Variants in PUM1 observed in about 807,000 individuals in gnomAD.
PUM1 encodes pumilio homolog 1.
Under a neutral mutation model 131.8 loss-of-function variants are expected in PUM1, and 13 were observed. That is an observed-to-expected ratio of 0.10 (90% CI 0.06 to 0.16). The LOEUF (loss-of-function observed/expected upper bound fraction) is 0.16, where lower values mean the gene tolerates loss of function less well. PUM1 is among the 10% of genes least tolerant of loss of function. PUM1 has a pLI of 1.00. For synonymous variants in PUM1, 509 were observed against 556.5 expected, an observed-to-expected ratio of 0.91 and a Z score of 1.20; for missense variants, 961 against 1,512.4, an observed-to-expected ratio of 0.64 and a Z score of 6.05.
At chr1:31,062,619 CA>C (rs9331237) in intron 1 of PUM1, among the ~76,000 whole-genome samples, 35,861 of 116,910 alleles carry the variant, frequency 0.31, 5,850 homozygotes, top group East Asian at 0.6. Flanking sequence ...GACTCCATCT[CA>C]AAAAAAAAAA....
At position 31,041,596 on chromosome 1, in the gene PUM1, T is replaced by C. The variant is rs188199187; in HGVS notation, c.364-12732A>G. Among the ~76,000 whole-genome samples the C allele has an allele frequency of 6.2e-4, 94 of 152,062 alleles. 1 individual carries two copies. Among genetic ancestry groups the C allele is most frequent in the African/African-American group, 2.1e-3 (89 of 41,464 alleles). On this transcript the variant is annotated intron_variant, in intron 2 of 21. Transcript: ENST00000426105. The stretch of plus-strand genomic sequence containing the variant: ...TATCCTCCCCATGGTAATGAGTGAG[T>C]TCTCACTCTATTAATTCACACAAGA...
rs796926360 is a variant in PUM1 at position 31,004,101 on chromosome 1, G to T, written c.720+1752C>A. ...CTGAAGTCTTAACCTCCTCTGTCAC[G>T]ATTCTTTTGTAAAAGAGGTAAATCA... On this transcript the variant is annotated intron_variant, in intron 5 of 21. Transcript: ENST00000426105. Among the ~76,000 whole-genome samples, 4 of 152,106 alleles carry T rather than the reference G, an allele frequency of 2.6e-5. No homozygotes were observed. The South Asian group carries it at 8.3e-4, about 31-fold the overall frequency.
At chr1:31,005,777 C>T (rs986730539) in intron 5 of PUM1, 76 bp downstream of exon 5, 10 of 1,399,758 alleles carry the variant, frequency 7.1e-6, no homozygotes, top group African/African-American at 1.6e-5. Flanking sequence ...GCATGTTTTG[C>T]TTTAGGGGAA....
Position 30,945,795 on chromosome 1 carries a change from A to AT in PUM1, c.2857-313dup, listed in dbSNP as rs1012531899. Among the ~76,000 whole-genome samples the AT allele has an allele frequency of 1.2e-4, 19 of 152,066 alleles. No individual in the cohort carries two copies. The South Asian group carries it at 2.5e-3, about 20-fold the overall frequency. ...AAGAGTGCTTTTGTGTTTTTATTTT[A>AT]TTTTTTTTGAGACGGAGTCTTGCTC... is the stretch of plus-strand genomic sequence containing the variant. On this transcript the variant is annotated intron_variant, in intron 17 of 21. Transcript: ENST00000426105.
chr1:31,014,790 G>GAA (rs758812891), intron 3 of PUM1, among the ~76,000 whole-genome samples: 7 of 132,624 alleles, frequency 5.3e-5, no homozygotes, highest in African/African-American at 8.2e-5. Flanking sequence ...CTGTGTCTCA[G>GAA]AAAAAAAAAA....
At chr1:30,982,872 T>C (rs1401839069) in intron 7 of PUM1, among the ~76,000 whole-genome samples, 1 of 152,244 alleles carries the variant, frequency 6.6e-6, no homozygotes. Context: ...TCTCTGCTTT[T>C]GGAGTATGAA....
Position 30,953,833 on chromosome 1 carries a change from G to C in PUM1, c.2472C>G (p.Val824=). The C allele has an allele frequency of 6.2e-7, 1 of 1,614,256 alleles. No individual in the cohort carries two copies. Among genetic ancestry groups the C allele is most frequent in the Non-Finnish European group, 8.5e-7 (1 of 1,180,040 alleles). The part of the protein sequence containing the change: ...SSRLRYGMSD[V]MPSGRSRLLE... ...AAAGCCTGCTCCTGCCAGAAGGCAT[G>C]ACATCAGACATTCCATATCGCAAAC... The change falls in exon 15 of 22, where the codon GTC becomes GTG. Residue 824 remains valine (V), a synonymous_variant. Transcript: ENST00000426105.
At chr1:30,963,063 A>T (rs1011942110) in intron 14 of PUM1, among the ~76,000 whole-genome samples, 2 of 152,218 alleles carry the variant, frequency 1.3e-5, no homozygotes, top group Admixed American at 1.3e-4. Flanking sequence ...AAAAGGCTTG[A>T]TTCTAAATCT....
chr1:30,965,399 T>C (rs1640579237), intron 13 of PUM1, among the ~76,000 whole-genome samples: 1 of 152,214 alleles, frequency 6.6e-6, no homozygotes, highest in African/African-American at 2.4e-5. Context: ...CTTTCACACA[T>C]GCCCTTCTAT....
At chr1:30,980,291 C>A (rs920679807) in intron 8 of PUM1, 128 bp from the exon 9 acceptor site, 7 of 746,712 alleles carry the variant, frequency 9.4e-6, no homozygotes, top group Non-Finnish European at 1.6e-5. Flanking sequence ...GAAGACGGGA[C>A]AGGTTGAGGG....
intron 2 of PUM1, among the ~76,000 whole-genome samples, chr1:31,049,169 C>A (rs1417902702): frequency 6.6e-6 from 1 of 151,638 alleles, no homozygotes. Context: ...TGTGCCACTG[C>A]ACTCCAGTCT....
intron 17 of PUM1, among the ~76,000 whole-genome samples, chr1:30,947,782 A>G (rs940705886): frequency 2.6e-5 from 4 of 152,142 alleles, no homozygotes; most frequent in African/African-American, 9.6e-5. Context: ...CTAAGATATC[A>G]TCTAATTAAA....
intron 17 of PUM1, 65 bp from the exon 18 acceptor site, chr1:30,945,548 T>A: frequency 6.4e-7 from 1 of 1,562,700 alleles, no homozygotes; most frequent in Non-Finnish European, 8.8e-7. Context: ...AATAATATTC[T>A]TTTCACCAAA....
intron 19 of PUM1, 128 bp downstream of exon 19, chr1:30,941,870 A>G: frequency 9.4e-7 from 1 of 1,062,134 alleles, no homozygotes; most frequent in Non-Finnish European, 1.4e-6. Context: ...ATACAAATAC[A>G]ACCACAAGAT....
intron 5 of PUM1, among the ~76,000 whole-genome samples, chr1:30,998,957 T>TAA (rs1309354147): frequency 6.6e-6 from 1 of 152,114 alleles, no homozygotes; most frequent in Non-Finnish European, 1.5e-5. Context: ...TTCTGAAAAA[T>TAA]ATTTAAGATA....
chr1:30,945,600 T>C lies in PUM1; in HGVS notation c.2857-117A>G, dbSNP rs1639634902. ...AACAGAGAATCTGTGATGATGAAAGTGGAATAGCAGCTGTGGAACAATGAC... is the reference window on the plus strand; with the variant it reads ...AACAGAGAATCTGTGATGATGAAAGCGGAATAGCAGCTGTGGAACAATGAC... On this transcript the variant is annotated intron_variant, in intron 17 of 21. Coordinates refer to ENST00000426105, the MANE Select transcript of PUM1 (RefSeq NM_001020658.2). 22 of 1,088,812 alleles carry C rather than the reference T, an allele frequency of 2.0e-5. No homozygotes were observed. In the South Asian group the frequency reaches 3.3e-4, roughly 16 times the overall value. 67.4% of individuals were successfully genotyped at this position (1,088,812 alleles called of 1,614,324 possible). A position where few individuals can be genotyped will look rare whatever the true frequency, so the allele number is the denominator to read the frequency against.
At chr1:31,038,421 A>G (rs747420358) in intron 2 of PUM1, among the ~76,000 whole-genome samples, 31 of 152,200 alleles carry the variant, frequency 2.0e-4, no homozygotes, top group Non-Finnish European at 3.8e-4. Flanking sequence ...CATGGTAGAC[A>G]CTACTTTCTA....
chr1:30,988,238 C>A (rs976734208), intron 7 of PUM1, among the ~76,000 whole-genome samples: 2 of 152,190 alleles, frequency 1.3e-5, no homozygotes, highest in Non-Finnish European at 2.9e-5. Context: ...ACCAGACAAC[C>A]AACTGACTCA....
intron 2 of PUM1, 48 bp downstream of exon 2, chr1:31,059,156 A>T: frequency 6.6e-7 from 1 of 1,515,856 alleles, no homozygotes; most frequent in Non-Finnish European, 8.8e-7. Flanking sequence ...CTAAGTGGAC[A>T]GTGATTATAA....
Sources: gnomAD v4.1 joint callset for allele counts (sites outside exome capture counted in the v4.1 genomes callset) on GRCh38, gnomAD v4.1.1 for gene constraint, MANE v1.5 for transcripts, NCBI Gene and HGNC (gene_info 2026-07-23, HGNC 2026-07-21) for gene names.